Variants in FRMD6 observed in about 807,000 individuals in gnomAD.
FRMD6 encodes FERM domain containing 6.
In FRMD6, 37 loss-of-function variants were observed where a neutral mutation model predicts 73.2. The ratio of observed to expected loss-of-function variants is 0.51; its 90% confidence interval spans 0.39 to 0.66. The LOEUF is 0.66. FRMD6 is among the 30% of genes least tolerant of loss of function. FRMD6 has a pLI of 0.00. For synonymous variants in FRMD6, 273 were observed against 282.2 expected, an observed-to-expected ratio of 0.97 and a Z score of 0.33; for missense variants, 714 against 780.5, an observed-to-expected ratio of 0.91 and a Z score of 1.02.
the FRMD6 span, among the ~76,000 whole-genome samples, chr14:51,416,720 GT>G: frequency 2.6e-5 from 4 of 152,208 alleles, no homozygotes; most frequent in African/African-American, 9.7e-5. Context: ...TTAACCTTCT[GT>G]CTTGTTGATC....
intron 1 of FRMD6, among the ~76,000 whole-genome samples, chr14:51,560,397 G>A (rs560512561): frequency 6.6e-5 from 10 of 152,322 alleles, no homozygotes; most frequent in African/African-American, 2.4e-4. Flanking sequence ...TGTTTCAGAA[G>A]CTGCATGGGA....
chr14:51,614,011 C>T (rs1031785643), intron 2 of FRMD6, among the ~76,000 whole-genome samples: 1 of 152,126 alleles, frequency 6.6e-6, no homozygotes, highest in African/African-American at 2.4e-5. Context: ...TCAATTGAAG[C>T]TACCACGTAT....
chr14:51,642,203 G>C (rs1490639132), intron 2 of FRMD6, among the ~76,000 whole-genome samples: 2 of 152,156 alleles, frequency 1.3e-5, no homozygotes, highest in African/African-American at 4.8e-5. Context: ...TAGTGAGAGA[G>C]AGAGAGGGTT....
At chr14:51,396,641 A>C in the FRMD6 span, among the ~76,000 whole-genome samples, 1 of 152,214 alleles carries the variant, frequency 6.6e-6, no homozygotes, top group East Asian at 1.9e-4. Context: ...GGCAGTACTT[A>C]CACTCACAGA....
intron 1 of FRMD6, among the ~76,000 whole-genome samples, chr14:51,655,549 T>C (rs1892762089): frequency 6.6e-6 from 1 of 152,096 alleles, no homozygotes; most frequent in Non-Finnish European, 1.5e-5. Context: ...GGAAGAGGCT[T>C]TGGGGGCCTT....
At chr14:51,581,947 A>G (rs1175825239) in intron 2 of FRMD6, among the ~76,000 whole-genome samples, 1 of 152,220 alleles carries the variant, frequency 6.6e-6, no homozygotes, top group South Asian at 2.1e-4. Context: ...TTGAAAAAAA[A>G]TCCTCTGTTG....
At chr14:51,718,889 G>T (rs1023187685) in intron 10 of FRMD6, among the ~76,000 whole-genome samples, 9 of 152,030 alleles carry the variant, frequency 5.9e-5, no homozygotes, top group African/African-American at 2.2e-4. Flanking sequence ...TAGGGACCCT[G>T]TGATGATTAT....
chr14:51,571,743 C>G (rs1175999051), intron 2 of FRMD6, among the ~76,000 whole-genome samples: 2 of 152,010 alleles, frequency 1.3e-5, no homozygotes, highest in Non-Finnish European at 2.9e-5. Flanking sequence ...AATGAAGATA[C>G]TAATAGACTG....
In FRMD6 at chr14:51,584,975, A is replaced by G. The variant is rs190239166; in HGVS notation, c.-147+14565A>G. Among the ~76,000 whole-genome samples the G allele has an allele frequency of 1.5e-4, 23 of 152,370 alleles. No homozygotes were observed. The East Asian group carries it at 3.3e-3, about 22-fold the overall frequency. On this transcript the variant is annotated intron_variant, in intron 2 of 14. Transcript: ENST00000356218. ...CTTATCTTCTAGCAAGAATGTGAAT[A>G]TTAAATGAGTTAATACACATAAAGC...
intron 1 of FRMD6, among the ~76,000 whole-genome samples, chr14:51,490,746 G>A (rs1242736377): frequency 6.6e-6 from 1 of 152,044 alleles, no homozygotes; most frequent in Non-Finnish European, 1.5e-5. Context: ...AATTCTTAAG[G>A]TGGCCCAGTT....
chr14:51,582,310 C>T (rs977180110), intron 2 of FRMD6, among the ~76,000 whole-genome samples: 7 of 152,066 alleles, frequency 4.6e-5, no homozygotes, highest in African/African-American at 9.7e-5. Flanking sequence ...TGACCTTGTC[C>T]GTCAGGATAG....
At chr14:51,586,768 G>C (rs2139697398) in intron 2 of FRMD6, among the ~76,000 whole-genome samples, 1 of 151,732 alleles carries the variant, frequency 6.6e-6, no homozygotes, top group Non-Finnish European at 1.5e-5. Context: ...TTTGGACATG[G>C]CATCTTGCTC....
chr14:51,572,289 T>C (rs989658450), intron 2 of FRMD6, among the ~76,000 whole-genome samples: 4 of 152,248 alleles, frequency 2.6e-5, no homozygotes, highest in Admixed American at 6.5e-5. Flanking sequence ...TGAAAGATGA[T>C]TTATTTCCCT....
the FRMD6 span, among the ~76,000 whole-genome samples, chr14:51,476,850 A>G: frequency 6.6e-6 from 1 of 152,232 alleles, no homozygotes; most frequent in African/African-American, 2.4e-5. Context: ...GAAATAAGAA[A>G]TAAGGGCAAA....
chr14:51,591,587 G>A (rs940302869), intron 2 of FRMD6, among the ~76,000 whole-genome samples: 2 of 152,006 alleles, frequency 1.3e-5, no homozygotes, highest in Non-Finnish European at 2.9e-5. Context: ...TTTCCAAGAC[G>A]GCTAGAGTGC....
At chr14:51,517,708 C>G (rs1222137583) in intron 1 of FRMD6, among the ~76,000 whole-genome samples, 1 of 152,080 alleles carries the variant, frequency 6.6e-6, no homozygotes, top group Non-Finnish European at 1.5e-5. Flanking sequence ...AAGCAATGGG[C>G]TGAAATGTAA....
intron 1 of FRMD6, among the ~76,000 whole-genome samples, chr14:51,511,870 T>TATAATAATA (rs147559656): frequency 2.7e-5 from 4 of 150,216 alleles, no homozygotes; most frequent in South Asian, 2.1e-4. Flanking sequence ...GAACTTAAAG[T>TATAATAATA]ATAATAATAA....
the FRMD6 span, among the ~76,000 whole-genome samples, chr14:51,463,525 C>G: frequency 6.6e-6 from 1 of 152,150 alleles, no homozygotes; most frequent in African/African-American, 2.4e-5. Flanking sequence ...ATATGGAGGG[C>G]CAATTGTAAA....
At chr14:51,498,549 G>A (rs17124021) in intron 1 of FRMD6, among the ~76,000 whole-genome samples, 7,671 of 152,224 alleles carry the variant, frequency 0.05, 652 homozygotes, top group African/African-American at 0.17. Context: ...GCTTATGCAC[G>A]TGGCTGCCTT....
Sources: allele counts gnomAD v4.1 joint callset (sites outside exome capture counted in the v4.1 genomes callset), GRCh38; gene constraint gnomAD v4.1.1; transcripts MANE v1.5; gene names NCBI Gene and HGNC (gene_info 2026-07-23, HGNC 2026-07-21).